The following RFX8 variants were observed in gnomAD, a reference collection of about 807,000 sequenced individuals.
RFX8 encodes the protein regulatory factor X8.
Under a neutral mutation model 54.6 loss-of-function variants are expected in RFX8, and 46 were observed. That is an observed-to-expected ratio of 0.84 (90% CI 0.67 to 1.08). The LOEUF (loss-of-function observed/expected upper bound fraction) is 1.08, where lower values mean the gene tolerates loss of function less well. Among genes scored for constraint, RFX8 ranks in the 50% least tolerant of loss-of-function variants. The probability of loss-of-function intolerance (pLI) is 0.00; values close to 1 mark genes in which losing one functional copy is unlikely to be tolerated. For missense variants in RFX8, 536 were observed against 562.3 expected (o/e 0.95, Z 0.47); for synonymous variants, 192 against 209.5 (o/e 0.92, Z 0.72).
chr2:101,471,560 G>A (rs1689993067), intron 1 of RFX8, among the ~76,000 whole-genome samples: 1 of 152,186 alleles, frequency 6.6e-6, no homozygotes, highest in Non-Finnish European at 1.5e-5. Flanking sequence ...ATTGGGATTA[G>A]ATAATGCTTA....
rs534796554 is a variant in RFX8, at chr2:101,397,716, C to T, written c.1254G>A (p.Gln418=). The T allele has an allele frequency of 1.4e-5, 21 of 1,547,376 alleles. No homozygotes were observed. In the South Asian group the frequency reaches 2.4e-4, roughly 18 times the overall value. ...VDTAMGNKLI[Q]VLLEDETTES... ...CAGTGGTTTCATCTTCCAACAGCAC[C>T]TGGATGAGCTGCAAGAGGGAAATGT... Residue 418 remains glutamine (Q), a synonymous_variant, in exon 12 of 12, where the codon CAG becomes CAA. Coordinates refer to ENST00000428343, the MANE Select transcript of RFX8 (RefSeq NM_001145664.2).
At position 101,475,107 on chromosome 2, in the gene RFX8, C is replaced by T. The variant is rs1481855817; in HGVS notation, c.-524G>A. ...TGCTGGCCATCTCCAAGTTCACTTC[C>T]TTTGTGGGGAACTGTGTGGGTTGTT... On this transcript the variant is annotated 5_prime_UTR_variant, in exon 1 of 12. Transcript: ENST00000428343. 1.3e-5 allele frequency among the ~76,000 whole-genome samples: 2 copies of T among 152,176 alleles called. No individual in the cohort carries two copies. The highest frequency in any genetic ancestry group is 4.8e-5 in the African/African-American group (2 of 41,446).
intron 2 of RFX8, among the ~76,000 whole-genome samples, chr2:101,436,319 C>T (rs1687780368): frequency 6.6e-6 from 1 of 152,110 alleles, no homozygotes. Context: ...AATCTCTCTA[C>T]GACAATGCTC....
chr2:101,410,945 A>T (rs1686089714), intron 8 of RFX8, among the ~76,000 whole-genome samples: 1 of 152,246 alleles, frequency 6.6e-6, no homozygotes, highest in African/African-American at 2.4e-5. Context: ...CACCTCTGCC[A>T]CTTGTTGAAA....
intron 2 of RFX8, among the ~76,000 whole-genome samples, chr2:101,453,689 C>T (rs1247182797): frequency 3.3e-5 from 5 of 152,266 alleles, no homozygotes; most frequent in African/African-American, 1.2e-4. Context: ...CCTGGCATCA[C>T]ACAACTTGCA....
intron 1 of RFX8, among the ~76,000 whole-genome samples, chr2:101,468,992 G>A (rs1266202190): frequency 3.6e-5 from 1 of 27,772 alleles, no homozygotes; most frequent in African/African-American, 8.6e-5. Context: ...ATATATATAA[G>A]TATATATATA....
rs941997192 is a variant in RFX8, at chr2:101,469,183, G to A, written c.-52-2283C>T. 7.5e-5 allele frequency among the ~76,000 whole-genome samples: 11 copies of A among 146,344 alleles called. No homozygotes were observed. The South Asian group carries it at 2.2e-3, about 29-fold the overall frequency. On this transcript the variant is annotated intron_variant, in intron 1 of 11. Transcript: ENST00000428343. Reference sequence around the variant, plus strand: ...ACACACACACACATATACATGGAGAGAGAGAGAGAGACTCCCTCTGGAATG... The same window carrying A: ...ACACACACACACATATACATGGAGAAAGAGAGAGAGACTCCCTCTGGAATG...
intron 2 of RFX8, among the ~76,000 whole-genome samples, chr2:101,436,029 T>A (rs1157223802): frequency 6.6e-6 from 1 of 152,036 alleles, no homozygotes; most frequent in Admixed American, 6.6e-5. Context: ...AGCGCCCTGG[T>A]TCCCGGCTCT....
intron 2 of RFX8, among the ~76,000 whole-genome samples, chr2:101,465,203 T>C (rs903509516): frequency 1.3e-5 from 2 of 152,090 alleles, no homozygotes; most frequent in African/African-American, 4.8e-5. Context: ...TGGTGAGAAA[T>C]AGAACTGCAG....
chr2:101,419,747 C>T (rs1426636746), intron 4 of RFX8, among the ~76,000 whole-genome samples: 3 of 152,216 alleles, frequency 2.0e-5, no homozygotes, highest in South Asian at 2.1e-4. Flanking sequence ...AGGGTCAACT[C>T]CCGAATTACA....
intron 1 of RFX8, among the ~76,000 whole-genome samples, chr2:101,469,136 A>G (rs1241709558): frequency 1.5e-5 from 2 of 130,652 alleles, no homozygotes; most frequent in Non-Finnish European, 3.2e-5. Context: ...ATATATATAT[A>G]AGTATATATA....
chr2:101,422,014 A>G (rs1310788577), intron 3 of RFX8, among the ~76,000 whole-genome samples: 1 of 152,214 alleles, frequency 6.6e-6, no homozygotes, highest in Non-Finnish European at 1.5e-5. Context: ...TTGCAGATTT[A>G]TTCTACCACT....
chr2:101,472,250 C>T (rs189366814), intron 1 of RFX8, among the ~76,000 whole-genome samples: 1,660 of 152,178 alleles, frequency 0.011, 23 homozygotes, highest in African/African-American at 0.037. Flanking sequence ...TACAGGCGCC[C>T]GCCACCACAC....
chr2:101,440,566 A>T (rs534243711), intron 2 of RFX8, among the ~76,000 whole-genome samples: 2 of 152,174 alleles, frequency 1.3e-5, no homozygotes, highest in Non-Finnish European at 2.9e-5. Context: ...ACTTTGTATG[A>T]TCCCTCATGG....
chr2:101,438,968 T>A (rs1386523843), intron 2 of RFX8, among the ~76,000 whole-genome samples: 1 of 152,114 alleles, frequency 6.6e-6, no homozygotes, highest in East Asian at 1.9e-4. Context: ...CCCGCCACCA[T>A]GCCAGGCTAA....
At chr2:101,419,801 T>C (rs867588961) in intron 4 of RFX8, among the ~76,000 whole-genome samples, 46 of 152,354 alleles carry the variant, frequency 3.0e-4, no homozygotes, top group African/African-American at 9.1e-4. Context: ...AGGGCATTCA[T>C]TCTAGAGAGG....
intron 2 of RFX8, among the ~76,000 whole-genome samples, chr2:101,436,404 A>G (rs1687786398): frequency 6.6e-6 from 1 of 152,112 alleles, no homozygotes; most frequent in Non-Finnish European, 1.5e-5. Flanking sequence ...ATGCCCTTGA[A>G]CAGCCTGTGC....
intron 2 of RFX8, among the ~76,000 whole-genome samples, chr2:101,446,078 T>C (rs996509585): frequency 6.6e-6 from 1 of 150,880 alleles, no homozygotes; most frequent in Non-Finnish European, 1.5e-5. Flanking sequence ...GAACGTGGCA[T>C]TGGCAGTGAA....
chr2:101,420,102 G>A (rs770103604), intron 4 of RFX8, among the ~76,000 whole-genome samples: 2 of 152,140 alleles, frequency 1.3e-5, no homozygotes, highest in Non-Finnish European at 2.9e-5. Flanking sequence ...CCTCCTCGCT[G>A]CCTCTCTGTT....
Sources: allele counts gnomAD v4.1 joint callset (sites outside exome capture counted in the v4.1 genomes callset), GRCh38; gene constraint gnomAD v4.1.1; transcripts MANE v1.5; gene names NCBI Gene and HGNC (gene_info 2026-07-23, HGNC 2026-07-21).